FAM3C: variants seen among roughly 807,000 people sequenced by gnomAD.
The protein encoded by FAM3C is FAM3 metabolism regulating signaling molecule C.
FAM3C carries 15 observed loss-of-function variants against 32.5 expected under a neutral mutation model. The observed-to-expected ratio is 0.46, with a 90% CI of 0.31 to 0.71. The LOEUF is 0.71. FAM3C is among the 30% of genes least tolerant of loss of function. The pLI is 0.05. For synonymous variants in FAM3C, 75 were observed against 86.1 expected (o/e 0.87, Z 0.72); for missense variants, 175 against 274.4 (o/e 0.64, Z 2.56).
chr7:121,351,073 G>A, intron 9 of FAM3C, 70 bp downstream of exon 9: 1 of 1,372,162 alleles, frequency 7.3e-7, no homozygotes, highest in Admixed American at 2.0e-5. Flanking sequence ...CAAATAGCTG[G>A]GATGGGAAAA....
intron 1 of FAM3C, among the ~76,000 whole-genome samples, chr7:121,392,833 T>C (rs2116978503): frequency 6.6e-6 from 1 of 152,320 alleles, no homozygotes; most frequent in African/African-American, 2.4e-5. Context: ...TAATGTGGTG[T>C]ATATGAATGG....
chr7:121,367,412 T>G (rs1300534536), intron 5 of FAM3C, among the ~76,000 whole-genome samples: 1 of 152,228 alleles, frequency 6.6e-6, no homozygotes, highest in Non-Finnish European at 1.5e-5. Flanking sequence ...GAGCTTAGAA[T>G]AGTTTTTACA....
chr7:121,390,094 T>C (rs752381478), intron 1 of FAM3C, among the ~76,000 whole-genome samples: 12 of 152,224 alleles, frequency 7.9e-5, no homozygotes, highest in Non-Finnish European at 1.3e-4. Flanking sequence ...TGAAGAACTG[T>C]TGCTTTGTAA....
intron 5 of FAM3C, among the ~76,000 whole-genome samples, chr7:121,369,511 G>A (rs532328554): frequency 6.6e-6 from 1 of 152,276 alleles, no homozygotes; most frequent in South Asian, 2.1e-4. Flanking sequence ...CTGAAATAAG[G>A]ATGGATAGGT....
At chr7:121,351,604 AG>A in intron 8 of FAM3C, 1 of 209,670 alleles carries the variant, frequency 4.8e-6, no homozygotes, top group Non-Finnish European at 9.5e-6. Flanking sequence ...AGGCTATCCA[AG>A]GTCTTAAGCA....
intron 1 of FAM3C, among the ~76,000 whole-genome samples, chr7:121,386,781 T>C (rs1396285952): frequency 6.6e-6 from 1 of 151,386 alleles, no homozygotes; most frequent in East Asian, 1.9e-4. Flanking sequence ...ATGTAAAAAA[T>C]TAAATTTTTA....
intron 4 of FAM3C, 88 bp from the exon 5 acceptor site, chr7:121,371,511 G>C: frequency 7.3e-7 from 1 of 1,365,414 alleles, no homozygotes; most frequent in African/African-American, 1.4e-5. Flanking sequence ...ACCACAAAGA[G>C]CATTAAGAAA....
intron 5 of FAM3C, chr7:121,364,672 A>G (rs981634820): frequency 1.8e-4 from 28 of 153,214 alleles, no homozygotes; most frequent in African/African-American, 6.0e-4. Context: ...ACATTCTCCT[A>G]GTGATTATCA....
intron 7 of FAM3C, among the ~76,000 whole-genome samples, chr7:121,360,657 ACCT>A (rs1250056376): frequency 2.0e-5 from 3 of 152,040 alleles, no homozygotes; most frequent in Non-Finnish European, 4.4e-5. Context: ...ATATAGTGAG[ACCT>A]CATCTCAACA....
At chr7:121,356,089 T>C (rs1793802679) in intron 8 of FAM3C, among the ~76,000 whole-genome samples, 1 of 150,224 alleles carries the variant, frequency 6.7e-6, no homozygotes, top group South Asian at 2.1e-4. Context: ...AGAATTTAAC[T>C]TGACCAAAAA....
chr7:121,371,892 C>T (rs1794154861), intron 4 of FAM3C, among the ~76,000 whole-genome samples: 1 of 152,172 alleles, frequency 6.6e-6, no homozygotes, highest in African/African-American at 2.4e-5. Flanking sequence ...ACACCAATTT[C>T]TGTACTTATA....
At position 121,384,310 on chromosome 7, in the gene FAM3C, AAAGG is replaced by A. The variant is rs1794421886; in HGVS notation, c.-41-1304_-41-1301del. On this transcript the variant is annotated intron_variant, in intron 1 of 9. Coordinates refer to ENST00000359943, the MANE Select transcript of FAM3C (RefSeq NM_014888.3). ...CTAGCCACAGGCTAGGAAAATACTA[AAAGG>A]AAACAAGATACTGAAGTATCCACAA... 1.3e-5 allele frequency among the ~76,000 whole-genome samples: 2 copies of A among 152,210 alleles called. 1 individual carries two copies. Among genetic ancestry groups the A allele is most frequent in the South Asian group, 4.1e-4 (2 of 4,836 alleles).
chr7:121,395,333 A>T (rs146625235), intron 1 of FAM3C, among the ~76,000 whole-genome samples: 3 of 151,852 alleles, frequency 2.0e-5, no homozygotes, highest in African/African-American at 7.2e-5. Flanking sequence ...ATATATATGG[A>T]TACATACACC....
At chr7:121,370,594 G>A (rs947903145) in intron 5 of FAM3C, among the ~76,000 whole-genome samples, 2 of 152,130 alleles carry the variant, frequency 1.3e-5, no homozygotes, top group Non-Finnish European at 2.9e-5. Context: ...GAACTTGCGA[G>A]CAACAGTTGA....
chr7:121,355,375 G>C (rs1009507540), intron 8 of FAM3C, among the ~76,000 whole-genome samples: 1 of 152,084 alleles, frequency 6.6e-6, no homozygotes, highest in African/African-American at 2.4e-5. Context: ...CATTATCCCT[G>C]TTTTCAAAAA....
chr7:121,362,465 C>T (rs183962141), intron 7 of FAM3C, among the ~76,000 whole-genome samples: 157 of 152,048 alleles, frequency 1.0e-3, no homozygotes, highest in African/African-American at 3.7e-3. Flanking sequence ...CCTAATGCTC[C>T]TAATGATTTA....
intron 3 of FAM3C, among the ~76,000 whole-genome samples, chr7:121,375,064 G>A (rs1260317366): frequency 2.0e-5 from 3 of 151,984 alleles, no homozygotes. Context: ...ACTCACTCTT[G>A]GGTGAAGGGG....
Position 121,350,563 on chromosome 7 carries a change from A to C in FAM3C, c.595-13T>G. ...TGTTCTTTATGTGCTATTGGAACAC[A>C]GTAATAATATACAGTTTAAAAAACC... is the stretch of plus-strand genomic sequence containing the variant. On this transcript the variant is annotated splice_polypyrimidine_tract_variant and intron_variant, in intron 9 of 9. Transcript: ENST00000359943. 6.2e-7 allele frequency: 1 copy of C among 1,612,356 alleles called. No individual in the cohort carries two copies. Among genetic ancestry groups the C allele is most frequent in the Admixed American group, 1.7e-5 (1 of 59,902 alleles).
intron 2 of FAM3C, among the ~76,000 whole-genome samples, chr7:121,379,971 C>T (rs932034783): frequency 2.6e-5 from 4 of 152,230 alleles, no homozygotes; most frequent in Admixed American, 2.6e-4. Context: ...CCTCCAAAAT[C>T]TGCTTCCTAT....
Sources: gnomAD v4.1 joint callset for allele counts (sites outside exome capture counted in the v4.1 genomes callset) on GRCh38, gnomAD v4.1.1 for gene constraint, MANE v1.5 for transcripts, NCBI Gene and HGNC (gene_info 2026-07-23, HGNC 2026-07-21) for gene names.